The following CYP2J2 variants were observed in gnomAD, a reference collection of about 807,000 sequenced individuals.
CYP2J2 encodes cytochrome P450 family 2 subfamily J member 2, also known as cytochrome P450 2J2.
CYP2J2 carries 41 observed loss-of-function variants against 48.8 expected under a neutral mutation model. That is an observed-to-expected ratio of 0.84 (90% confidence interval 0.66 to 1.09). The LOEUF (loss-of-function observed/expected upper bound fraction) is 1.09, where lower values mean the gene tolerates loss of function less well. Ranked by LOEUF, CYP2J2 falls within the 50% of genes least tolerant of loss-of-function variation. The pLI, the probability that CYP2J2 is intolerant of heterozygous loss-of-function variation, is 0.00. For synonymous variants in CYP2J2, 221 were observed against 227.1 expected (o/e 0.97, Z 0.24); for missense variants, 644 against 617.3 (o/e 1.04, Z -0.46).
the CYP2J2 span, among the ~76,000 whole-genome samples, chr1:59,966,337 G>A: frequency 3.3e-5 from 5 of 152,130 alleles, no homozygotes; most frequent in Non-Finnish European, 5.9e-5. Context: ...AGACATTAAT[G>A]AAAGACTTGG....
At chr1:59,944,913 A>G in the CYP2J2 span, among the ~76,000 whole-genome samples, 1 of 151,968 alleles carries the variant, frequency 6.6e-6, no homozygotes, top group Non-Finnish European at 1.5e-5. Flanking sequence ...TGGGTAGTTG[A>G]TACTTTTCTT....
At chr1:59,965,494 C>T in the CYP2J2 span, among the ~76,000 whole-genome samples, 1 of 152,164 alleles carries the variant, frequency 6.6e-6, no homozygotes, top group Non-Finnish European at 1.5e-5. Flanking sequence ...CATCTACTGT[C>T]AGAGTGGCCC....
chr1:59,905,707 A>G (rs1427729425), intron 6 of CYP2J2, among the ~76,000 whole-genome samples: 1 of 152,216 alleles, frequency 6.6e-6, no homozygotes, highest in African/African-American at 2.4e-5. Context: ...GTGAGGATAA[A>G]TCTACCTTCA....
chr1:59,899,882 A>G (rs1644301912), intron 8 of CYP2J2, among the ~76,000 whole-genome samples: 1 of 152,242 alleles, frequency 6.6e-6, no homozygotes, highest in Non-Finnish European at 1.5e-5. Flanking sequence ...TAGATGCTCA[A>G]TAAATATTGA....
the CYP2J2 span, among the ~76,000 whole-genome samples, chr1:59,960,832 T>C: frequency 4.6e-5 from 7 of 152,076 alleles, no homozygotes; most frequent in African/African-American, 1.7e-4. Flanking sequence ...GGAGCAAGAC[T>C]CCATCATCTT....
the CYP2J2 span, among the ~76,000 whole-genome samples, chr1:59,947,633 G>C: frequency 1.3e-5 from 2 of 152,284 alleles, no homozygotes; most frequent in South Asian, 2.1e-4. Flanking sequence ...CCATCGATGA[G>C]AGTGATCACG....
the CYP2J2 span, among the ~76,000 whole-genome samples, chr1:59,938,615 A>C: frequency 6.6e-6 from 1 of 152,206 alleles, no homozygotes; most frequent in Non-Finnish European, 1.5e-5. Flanking sequence ...ACAAATGTAC[A>C]ATCGGGTTTT....
chr1:59,903,433 T>C (rs565840766), intron 7 of CYP2J2, among the ~76,000 whole-genome samples: 2 of 152,170 alleles, frequency 1.3e-5, no homozygotes, highest in Non-Finnish European at 2.9e-5. Context: ...AAACAGAAAA[T>C]GAAATACTGC....
At chr1:59,896,452 C>A (rs1644270423) in intron 8 of CYP2J2, among the ~76,000 whole-genome samples, 1 of 152,108 alleles carries the variant, frequency 6.6e-6, no homozygotes, top group South Asian at 2.1e-4. Context: ...TCCAACATCA[C>A]AAAGTTCGAT....
At chr1:59,942,701 T>C in the CYP2J2 span, among the ~76,000 whole-genome samples, 2 of 152,076 alleles carry the variant, frequency 1.3e-5, no homozygotes, top group Non-Finnish European at 2.9e-5. Flanking sequence ...GGTTGGTGGA[T>C]GGCATTGGCT....
upstream of CYP2J2, among the ~76,000 whole-genome samples, chr1:59,927,849 A>G (rs11572187): frequency 1.7e-3 from 256 of 152,320 alleles, no homozygotes; most frequent in African/African-American, 5.8e-3. Flanking sequence ...CTAGGATTAC[A>G]GGTGTGAGCA....
the CYP2J2 span, among the ~76,000 whole-genome samples, chr1:59,969,099 C>A: frequency 6.6e-6 from 1 of 152,178 alleles, no homozygotes; most frequent in Admixed American, 6.5e-5. Flanking sequence ...CAGACCTTCG[C>A]GGTGTTACAG....
chr1:59,924,754 AT>A lies in CYP2J2; in HGVS notation c.210+1782del, dbSNP rs568501249. Among the ~76,000 whole-genome samples, 197 of 152,218 alleles carry A rather than the reference AT, an allele frequency of 1.3e-3. 1 individual carries two copies. Among genetic ancestry groups the A allele is most frequent in the African/African-American group, 4.6e-3 (191 of 41,592 alleles). On this transcript the variant is annotated intron_variant, in intron 1 of 8. Coordinates refer to ENST00000371204, the MANE Select transcript of CYP2J2 (RefSeq NM_000775.4). ...AAGATAGGAAAAGGAAAACAGAGGCATAAAAAACAGGAAAAACAAAATAAAT... is the reference window on the plus strand; with the variant it reads ...AAGATAGGAAAAGGAAAACAGAGGCAAAAAAACAGGAAAAACAAAATAAAT...
chr1:59,923,859 G>C (rs1385631492), intron 1 of CYP2J2, among the ~76,000 whole-genome samples: 3 of 152,158 alleles, frequency 2.0e-5, no homozygotes, highest in East Asian at 3.8e-4. Flanking sequence ...GTCCAAGAAA[G>C]AGAGGAAAAA....
intron 1 of CYP2J2, among the ~76,000 whole-genome samples, chr1:59,920,076 A>G (rs1644500705): frequency 6.6e-6 from 1 of 152,078 alleles, no homozygotes; most frequent in South Asian, 2.1e-4. Flanking sequence ...CTATCGCAAG[A>G]AGAGATGATT....
chr1:59,932,422 C>CAT, the CYP2J2 span, among the ~76,000 whole-genome samples: 1 of 152,076 alleles, frequency 6.6e-6, no homozygotes, highest in Non-Finnish European at 1.5e-5. Context: ...TTATATTCAT[C>CAT]TAATAATGTT....
chr1:59,955,253 CAT>C, the CYP2J2 span, among the ~76,000 whole-genome samples: 10 of 108,022 alleles, frequency 9.3e-5, no homozygotes, highest in Middle Eastern at 4.9e-3. Context: ...TATATATATC[CAT>C]ATATATATCC....
In CYP2J2 at chr1:59,905,017, G is replaced by C. The variant is rs1474676923; in HGVS notation, c.1045C>G (p.Gln349Glu). 1.2e-6 allele frequency: 2 copies of C among 1,613,828 alleles called. No homozygotes were observed. Residue 349 changes from glutamine (Q) to glutamate (E), a missense_variant, in exon 7 of 9, where the codon CAG becomes GAG. Coordinates refer to ENST00000371204, the MANE Select transcript of CYP2J2 (RefSeq NM_000775.4). ...AEIDRVIGQG[Q>E]QPSTAARESM... ...TCCCGGGCGGCTGTGCTCGGCTGCT[G>C]CCCCTGGCCAATCACTCTGTCAATC...
the CYP2J2 span, among the ~76,000 whole-genome samples, chr1:59,969,064 C>T: frequency 6.6e-6 from 1 of 152,154 alleles, no homozygotes; most frequent in Non-Finnish European, 1.5e-5. Flanking sequence ...GGCTCGTGGT[C>T]TTGCTGGCTT....
Sources: allele counts gnomAD v4.1 joint callset (sites outside exome capture counted in the v4.1 genomes callset), GRCh38; gene constraint gnomAD v4.1.1; transcripts MANE v1.5; gene names NCBI Gene and HGNC (gene_info 2026-07-23, HGNC 2026-07-21).